CNTN3: variants seen among roughly 807,000 people sequenced by gnomAD.
The protein encoded by CNTN3 is contactin 3.
A neutral mutation model predicts 119.1 loss-of-function variants in CNTN3; 60 were observed. The observed-to-expected ratio is 0.50, with a 90% CI of 0.41 to 0.62. The LOEUF is 0.62. Among genes scored for constraint, CNTN3 ranks in the 20% least tolerant of loss-of-function variants. CNTN3 has a pLI of 0.00. For missense variants in CNTN3, 1,101 were observed against 1,242.4 expected (o/e 0.89, Z 1.71); for synonymous variants, 450 against 438.7 (o/e 1.03, Z -0.32).
chr3:74,573,965 T>C (rs556613063), intron 1 of CNTN3, among the ~76,000 whole-genome samples: 111 of 152,122 alleles, frequency 7.3e-4, no homozygotes, highest in African/African-American at 2.5e-3. Context: ...CCAAGAAAAC[T>C]GAAAATACAT....
At chr3:74,354,681 C>G (rs1256715386) in intron 11 of CNTN3, among the ~76,000 whole-genome samples, 1 of 151,850 alleles carries the variant, frequency 6.6e-6, no homozygotes, top group Non-Finnish European at 1.5e-5. Flanking sequence ...ATAACTTTAC[C>G]CAATATTGGA....
intron 2 of CNTN3, among the ~76,000 whole-genome samples, chr3:74,508,585 A>T (rs996739644): frequency 4.6e-5 from 7 of 152,204 alleles, no homozygotes; most frequent in Non-Finnish European, 1.0e-4. Context: ...CTGATAAAGT[A>T]AACATACAAC....
At chr3:74,479,876 G>T (rs1702731362) in intron 4 of CNTN3, among the ~76,000 whole-genome samples, 1 of 151,980 alleles carries the variant, frequency 6.6e-6, no homozygotes, top group Admixed American at 6.6e-5. Context: ...TACCTGAGAG[G>T]ACATCCAAAA....
Position 74,301,684 on chromosome 3 carries a change from C to G in CNTN3, c.1908G>C (p.Arg636=), listed in dbSNP as rs757543564. The G allele has an allele frequency of 6.2e-7, 1 of 1,613,930 alleles. No homozygotes were observed. The highest frequency in any genetic ancestry group is 1.7e-5 in the Admixed American group (1 of 59,990). ...TTTGCCAACCCACGGAGAAAGGTGT[C>G]CGAGCCTGGATAGAATAGGATATAA... ...SPVISYSIQA[R]TPFSVGWQTV... Residue 636 remains arginine, a synonymous_variant, in exon 15 of 23, where the codon CGG becomes CGC. Transcript: ENST00000263665.
chr3:74,333,317 T>C (rs1703311158), intron 13 of CNTN3, among the ~76,000 whole-genome samples: 1 of 152,230 alleles, frequency 6.6e-6, no homozygotes, highest in Non-Finnish European at 1.5e-5. Context: ...TTAACAGAAA[T>C]GTATCCTCTC....
intron 5 of CNTN3, among the ~76,000 whole-genome samples, chr3:74,392,370 GTCTT>G (rs1704934313): frequency 6.6e-6 from 1 of 151,778 alleles, no homozygotes; most frequent in Non-Finnish European, 1.5e-5. Flanking sequence ...CTTTACTTTT[GTCTT>G]TCCTTTTCCC....
At chr3:74,463,433 A>G (rs907729373) in intron 4 of CNTN3, among the ~76,000 whole-genome samples, 4 of 152,134 alleles carry the variant, frequency 2.6e-5, no homozygotes, top group African/African-American at 7.2e-5. Flanking sequence ...GAGAGAGTGA[A>G]GTACACCTAT....
chr3:74,327,126 T>C (rs1394258102), intron 13 of CNTN3, among the ~76,000 whole-genome samples: 2 of 146,640 alleles, frequency 1.4e-5, no homozygotes, highest in Admixed American at 6.8e-5. Flanking sequence ...TTTTTTTTTT[T>C]TTTTTGTTTG....
intron 4 of CNTN3, among the ~76,000 whole-genome samples, chr3:74,448,704 T>A (rs1241650020): frequency 6.6e-6 from 1 of 152,152 alleles, no homozygotes; most frequent in Admixed American, 6.6e-5. Flanking sequence ...TTGCTATTAT[T>A]ATAAAGTATC....
chr3:74,460,772 CATATATATATATATATATATAT>C (rs71129755), intron 4 of CNTN3, among the ~76,000 whole-genome samples: 21,662 of 89,614 alleles, frequency 0.24, 2,569 homozygotes, highest in Admixed American at 0.31. Context: ...TTCTTATTTT[CATATATATATATATATATATAT>C]ATATATATAT....
At chr3:74,444,943 G>A (rs1436360849) in intron 4 of CNTN3, among the ~76,000 whole-genome samples, 1 of 152,046 alleles carries the variant, frequency 6.6e-6, no homozygotes, top group East Asian at 1.9e-4. Flanking sequence ...TCCCCACAAT[G>A]CCACACATCC....
Position 74,293,351 on chromosome 3 carries a change from CTCTT to C in CNTN3, c.2517+1766_2517+1769del, listed in dbSNP as rs529928262. ...CTTGTTTGGTTGCAAGGAACAGAAA[CTCTT>C]TCAAGGCAGTTCAAATATAAGGAGA... On this transcript the variant is annotated intron_variant, in intron 19 of 22. Coordinates refer to ENST00000263665, the MANE Select transcript of CNTN3 (RefSeq NM_020872.3). 3.0e-3 allele frequency among the ~76,000 whole-genome samples: 455 copies of C among 152,232 alleles called. 6 individuals carry two copies. The highest frequency in any genetic ancestry group is 0.011 in the African/African-American group (438 of 41,544).
intron 5 of CNTN3, among the ~76,000 whole-genome samples, chr3:74,381,138 T>C (rs2106810531): frequency 6.6e-6 from 1 of 151,176 alleles, no homozygotes; most frequent in South Asian, 2.1e-4. Flanking sequence ...AGTACTTTTG[T>C]CCATTAGTAG....
intron 1 of CNTN3, among the ~76,000 whole-genome samples, chr3:74,535,975 C>T (rs1280385441): frequency 2.6e-5 from 4 of 151,942 alleles, no homozygotes; most frequent in Admixed American, 6.6e-5. Flanking sequence ...TGCAACACTA[C>T]GTATTAGAAA....
chr3:74,477,375 G>A (rs1485250731), intron 4 of CNTN3, among the ~76,000 whole-genome samples: 1 of 152,032 alleles, frequency 6.6e-6, no homozygotes, highest in East Asian at 1.9e-4. Context: ...CACACTTTAA[G>A]ACCAAAGAGG....
intron 4 of CNTN3, among the ~76,000 whole-genome samples, chr3:74,463,224 T>C (rs927004246): frequency 1.3e-5 from 2 of 152,154 alleles, no homozygotes; most frequent in Non-Finnish European, 2.9e-5. Flanking sequence ...GTTGTGTATG[T>C]CTCTTTTCTG....
chr3:74,345,441 A>G (rs555612261), intron 11 of CNTN3, among the ~76,000 whole-genome samples: 15 of 152,340 alleles, frequency 9.8e-5, no homozygotes, highest in African/African-American at 3.4e-4. Context: ...CCTTGAAATA[A>G]CATCTACTCC....
chr3:74,448,691 T>C (rs1191632035), intron 4 of CNTN3, among the ~76,000 whole-genome samples: 1 of 152,144 alleles, frequency 6.6e-6, no homozygotes, highest in Non-Finnish European at 1.5e-5. Context: ...GCAGAATAAA[T>C]ATTTGCTATT....
At chr3:74,305,807 T>A (rs142705633) in intron 13 of CNTN3, among the ~76,000 whole-genome samples, 1 of 151,328 alleles carries the variant, frequency 6.6e-6, no homozygotes, top group Non-Finnish European at 1.5e-5. Context: ...TTTGTGAAAA[T>A]GAATTGGGCT....
Sources: gnomAD v4.1 joint callset for allele counts (sites outside exome capture counted in the v4.1 genomes callset) on GRCh38, gnomAD v4.1.1 for gene constraint, MANE v1.5 for transcripts, NCBI Gene and HGNC (gene_info 2026-07-23, HGNC 2026-07-21) for gene names.